The following CHCHD6 variants were observed in gnomAD, a reference collection of about 807,000 sequenced individuals.
The protein encoded by CHCHD6 is MICOS complex subunit MIC25.
A neutral mutation model predicts 32.3 loss-of-function variants in CHCHD6; 28 were observed. The ratio of observed to expected loss-of-function variants is 0.87; its 90% CI spans 0.64 to 1.19. The LOEUF is 1.19. Ranked by LOEUF, CHCHD6 falls within the 50% of genes most tolerant of loss-of-function variation. The probability of loss-of-function intolerance (pLI) is 0.00; values close to 1 mark genes in which losing one functional copy is unlikely to be tolerated. For missense variants in CHCHD6, 333 were observed against 307.0 expected (o/e 1.08, Z -0.63); for synonymous variants, 122 against 117.5 (o/e 1.04, Z -0.25).
chr3:126,741,698 A>G (rs1345312509), intron 4 of CHCHD6, among the ~76,000 whole-genome samples: 1 of 152,178 alleles, frequency 6.6e-6, no homozygotes, highest in African/African-American at 2.4e-5. Flanking sequence ...TGATCCTGGA[A>G]TATGTATTTC....
At chr3:126,740,232 G>A (rs1426398357) in intron 4 of CHCHD6, among the ~76,000 whole-genome samples, 2 of 152,062 alleles carry the variant, frequency 1.3e-5, no homozygotes, top group East Asian at 1.9e-4. Flanking sequence ...GTCCTTCCTT[G>A]TCCCTCCTGC....
chr3:126,914,874 G>GT (rs1242069178), intron 6 of CHCHD6, 124 bp downstream of exon 6: 79 of 675,860 alleles, frequency 1.2e-4, no homozygotes, highest in Middle Eastern at 7.2e-4. Context: ...ACAACCATCT[G>GT]TTCCTCAGCT....
intron 5 of CHCHD6, among the ~76,000 whole-genome samples, chr3:126,884,505 G>T (rs1334494213): frequency 3.3e-5 from 5 of 152,128 alleles, no homozygotes; most frequent in African/African-American, 1.2e-4. Context: ...GAATTCATAG[G>T]AGTTGACAAA....
chr3:126,786,906 A>G (rs1025099258), intron 4 of CHCHD6, among the ~76,000 whole-genome samples: 5 of 152,170 alleles, frequency 3.3e-5, no homozygotes, highest in Admixed American at 6.5e-5. Context: ...GCCCATGCCT[A>G]TGTCCTGAAT....
At chr3:126,810,278 C>T (rs1939601531) in intron 4 of CHCHD6, among the ~76,000 whole-genome samples, 1 of 152,260 alleles carries the variant, frequency 6.6e-6, no homozygotes, top group Middle Eastern at 3.4e-3. Context: ...TTTGGTTAAA[C>T]TTGGGGAATT....
At chr3:126,920,271 T>G (rs571438343) in intron 6 of CHCHD6, among the ~76,000 whole-genome samples, 1 of 152,130 alleles carries the variant, frequency 6.6e-6, no homozygotes, top group South Asian at 2.1e-4. Flanking sequence ...GCTCTCTATT[T>G]TCTTGAACAT....
At chr3:126,860,319 A>G (rs9869726) in intron 5 of CHCHD6, among the ~76,000 whole-genome samples, 18,435 of 152,122 alleles carry the variant, frequency 0.12, 1,279 homozygotes, top group South Asian at 0.28. Flanking sequence ...ATCTGAGCCC[A>G]AGGGACTTTT....
At chr3:126,833,923 G>A (rs1016091544) in intron 4 of CHCHD6, among the ~76,000 whole-genome samples, 7 of 150,146 alleles carry the variant, frequency 4.7e-5, no homozygotes, top group Non-Finnish European at 1.0e-4. Flanking sequence ...GCGTAGTGGC[G>A]GGCGCCTGTA....
chr3:126,804,965 A>G (rs1939290556), intron 4 of CHCHD6, among the ~76,000 whole-genome samples: 1 of 152,174 alleles, frequency 6.6e-6, no homozygotes, highest in Non-Finnish European at 1.5e-5. Flanking sequence ...GATTATCTCA[A>G]TAGATGCAGA....
At chr3:126,781,569 C>T (rs1450694028) in intron 4 of CHCHD6, among the ~76,000 whole-genome samples, 1 of 152,230 alleles carries the variant, frequency 6.6e-6, no homozygotes, top group East Asian at 1.9e-4. Flanking sequence ...TCCAGTTGAG[C>T]AGCTGGGCAT....
intron 4 of CHCHD6, among the ~76,000 whole-genome samples, chr3:126,777,038 C>G (rs1177944198): frequency 6.6e-6 from 1 of 152,158 alleles, no homozygotes; most frequent in Non-Finnish European, 1.5e-5. Context: ...GTCTCAGTCT[C>G]TTCCACCCTC....
chr3:126,757,778 T>C (rs542960320), intron 4 of CHCHD6, among the ~76,000 whole-genome samples: 3 of 152,258 alleles, frequency 2.0e-5, no homozygotes, highest in African/African-American at 7.2e-5. Context: ...ACCACAGAGC[T>C]CTGGGAGTAT....
chr3:126,762,529 G>A (rs562833965), intron 4 of CHCHD6, among the ~76,000 whole-genome samples: 3 of 152,210 alleles, frequency 2.0e-5, no homozygotes, highest in African/African-American at 7.2e-5. Context: ...TAAATTTGTT[G>A]AAGCTTGTTT....
chr3:126,833,986 G>T (rs1044598800), intron 4 of CHCHD6, among the ~76,000 whole-genome samples: 1 of 146,436 alleles, frequency 6.8e-6, no homozygotes, highest in Admixed American at 6.9e-5. Context: ...CCCGGGAGGC[G>T]GAGCTTGCAG....
chr3:126,747,223 A>C (rs1041347030), intron 4 of CHCHD6, among the ~76,000 whole-genome samples: 1 of 152,160 alleles, frequency 6.6e-6, no homozygotes. Flanking sequence ...AGCCCAGGAA[A>C]AGATCTTTAC....
intron 4 of CHCHD6, among the ~76,000 whole-genome samples, chr3:126,748,688 T>A (rs1388999069): frequency 6.6e-6 from 1 of 151,842 alleles, no homozygotes; most frequent in Admixed American, 6.6e-5. Flanking sequence ...CTTCAAGGGG[T>A]ATTTATCACC....
chr3:126,958,221 G>A (rs377706165), intron 7 of CHCHD6, among the ~76,000 whole-genome samples: 22 of 150,530 alleles, frequency 1.5e-4, no homozygotes, highest in South Asian at 1.3e-3. Context: ...GTCCCGTAGC[G>A]TCCTCTGGTG....
chr3:126,863,268 A>C (rs1458968163), intron 5 of CHCHD6, among the ~76,000 whole-genome samples: 1,311 of 18,584 alleles, frequency 0.071, no homozygotes, highest in Non-Finnish European at 0.08. Flanking sequence ...CCACCATCAC[A>C]ACCGCCTCCT....
intron 4 of CHCHD6, among the ~76,000 whole-genome samples, chr3:126,792,189 A>G (rs969118084): frequency 1.3e-4 from 20 of 150,762 alleles, no homozygotes; most frequent in African/African-American, 4.6e-4. Flanking sequence ...TGGTGTACAA[A>G]TATCTGTTCA....
Sources: gnomAD v4.1 joint callset for allele counts (sites outside exome capture counted in the v4.1 genomes callset) on GRCh38, gnomAD v4.1.1 for gene constraint, MANE v1.5 for transcripts, NCBI Gene and HGNC (gene_info 2026-07-23, HGNC 2026-07-21) for gene names.